ANK3: variants seen among roughly 807,000 people sequenced by gnomAD.
ANK3 encodes the protein ankyrin 3, also known as ankyrin-3.
ANK3 carries 57 observed loss-of-function variants against 370.9 expected under a neutral mutation model. That is an observed-to-expected ratio of 0.15 (90% CI 0.12 to 0.19). The LOEUF (loss-of-function observed/expected upper bound fraction) is 0.19. Among genes scored for constraint, ANK3 ranks in the 10% least tolerant of loss-of-function variants. The pLI, the probability that ANK3 is intolerant of heterozygous loss-of-function variation, is 1.00. For missense variants in ANK3, 4,439 were observed against 5,302.1 expected, an observed-to-expected ratio of 0.84 and a Z score of 5.06; for synonymous variants, 1,929 against 1,946.3, an observed-to-expected ratio of 0.99 and a Z score of 0.23.
At chr10:60,558,254 C>T (rs922079445) in intron 2 of ANK3, among the ~76,000 whole-genome samples, 1 of 152,184 alleles carries the variant, frequency 6.6e-6, no homozygotes, top group African/African-American at 2.4e-5. Flanking sequence ...TTCAATGTCA[C>T]ACAGTAAACT....
At chr10:60,140,829 G>A in intron 23 of ANK3, 2 of 993,852 alleles carry the variant, frequency 2.0e-6, no homozygotes, top group Non-Finnish European at 1.2e-6. Flanking sequence ...GCCTAGTCGG[G>A]TAACCAAGAC....
intron 1 of ANK3, among the ~76,000 whole-genome samples, chr10:60,722,038 T>C (rs1386070726): frequency 6.6e-6 from 1 of 151,870 alleles, no homozygotes; most frequent in African/African-American, 2.4e-5. Flanking sequence ...CTGAATAATT[T>C]CTGGCTGATC....
chr10:60,377,761 T>C (rs1429665467), intron 1 of ANK3, among the ~76,000 whole-genome samples: 2 of 152,186 alleles, frequency 1.3e-5, no homozygotes, highest in Non-Finnish European at 2.9e-5. Flanking sequence ...TAGCCATGGC[T>C]TCAAGTTCAG....
At chr10:60,211,892 C>CAAAA (rs72238553) in intron 9 of ANK3, among the ~76,000 whole-genome samples, 2 of 93,400 alleles carry the variant, frequency 2.1e-5, no homozygotes, top group Admixed American at 1.3e-4. Context: ...AATACAGAGC[C>CAAAA]AAAAAAAAAA....
chr10:60,247,254 T>C (rs759765539), intron 7 of ANK3, among the ~76,000 whole-genome samples: 24 of 152,216 alleles, frequency 1.6e-4, no homozygotes, highest in Admixed American at 5.9e-4. Flanking sequence ...CCTGACCTTG[T>C]GATACACCCA....
intron 1 of ANK3, among the ~76,000 whole-genome samples, chr10:60,722,443 C>T (rs1373727686): frequency 1.3e-5 from 2 of 151,142 alleles, no homozygotes; most frequent in African/African-American, 4.9e-5. Flanking sequence ...GATCTTGTCT[C>T]TAAATAAAAA....
At chr10:60,555,858 G>A (rs1043554572) in intron 2 of ANK3, among the ~76,000 whole-genome samples, 1 of 152,218 alleles carries the variant, frequency 6.6e-6, no homozygotes, top group African/African-American at 2.4e-5. Context: ...TGTGACTCAT[G>A]AGCAAATACG....
At chr10:60,248,974 T>A (rs1176811340) in intron 7 of ANK3, among the ~76,000 whole-genome samples, 1 of 152,250 alleles carries the variant, frequency 6.6e-6, no homozygotes, top group Non-Finnish European at 1.5e-5. Flanking sequence ...GCATATTCAG[T>A]GACAGCAAAA....
chr10:60,657,599 A>G (rs995353893), intron 1 of ANK3, among the ~76,000 whole-genome samples: 3 of 152,144 alleles, frequency 2.0e-5, no homozygotes, highest in Non-Finnish European at 1.5e-5. Flanking sequence ...TAAGATCTCA[A>G]TCTTTTGAAA....
At chr10:60,684,812 T>C in intron 1 of ANK3, 2 of 1,536,312 alleles carry the variant, frequency 1.3e-6, no homozygotes, top group Non-Finnish European at 1.8e-6. Context: ...ATGGACTCTG[T>C]TGATATCGAA....
intron 37 of ANK3, 83 bp from the exon 38 acceptor site, chr10:60,068,092 T>C (rs1589502271): frequency 1.6e-6 from 2 of 1,254,456 alleles, no homozygotes; most frequent in Non-Finnish European, 2.3e-6. Context: ...ACGCAGATTT[T>C]ACAGAGAGAC....
intron 8 of ANK3, among the ~76,000 whole-genome samples, chr10:60,217,710 C>T (rs764570843): frequency 5.3e-5 from 8 of 152,204 alleles, no homozygotes; most frequent in Non-Finnish European, 8.8e-5. Flanking sequence ...CCATGTGGCA[C>T]AGAGAAGAAT....
intron 2 of ANK3, among the ~76,000 whole-genome samples, chr10:60,532,738 A>C (rs1204298472): frequency 6.6e-6 from 1 of 152,128 alleles, no homozygotes; most frequent in Non-Finnish European, 1.5e-5. Context: ...AGAATGCTAT[A>C]GGCCCTTTTC....
chr10:60,291,505 A>C (rs552561779), intron 1 of ANK3, among the ~76,000 whole-genome samples: 1 of 152,248 alleles, frequency 6.6e-6, no homozygotes, highest in Non-Finnish European at 1.5e-5. Context: ...AAATGATGTA[A>C]GGAACTGGTA....
chr10:60,067,191 G>A (rs939937273), intron 38 of ANK3, among the ~76,000 whole-genome samples: 1 of 152,046 alleles, frequency 6.6e-6, no homozygotes, highest in African/African-American at 2.4e-5. Flanking sequence ...GGGATTACAG[G>A]CATGAATTTT....
At chr10:60,437,526 T>C (rs1202038329) in intron 2 of ANK3, among the ~76,000 whole-genome samples, 1 of 152,208 alleles carries the variant, frequency 6.6e-6, no homozygotes, top group African/African-American at 2.4e-5. Flanking sequence ...TTTAGCACAG[T>C]GCCTGGCACT....
chr10:60,588,785 C>T (rs2077870311), intron 2 of ANK3, among the ~76,000 whole-genome samples: 1 of 151,982 alleles, frequency 6.6e-6, no homozygotes, highest in Non-Finnish European at 1.5e-5. Flanking sequence ...TTGTGCATGC[C>T]TATAGTCCCA....
In ANK3 at chr10:60,196,202, A is replaced by T; in HGVS notation, c.1830T>A (p.Asn610Lys). The change falls in exon 16 of 44, where the codon AAT becomes AAA. Residue 610 changes from asparagine (N) to lysine (K), a missense_variant. By Grantham distance (94) the Asn-to-Lys change is moderately conservative. Transcript: ENST00000280772. ...TPLHVAAHYD[N>K]QKVALLLLDQ... ...CCAAAAGCAGAAGGGCCACTTTCTGATTATCGTAATGTGCAGCTACATGCA... is the reference window on the plus strand; with the variant it reads ...CCAAAAGCAGAAGGGCCACTTTCTGTTTATCGTAATGTGCAGCTACATGCA... 6.2e-7 allele frequency: 1 copy of T among 1,613,988 alleles called. No individual in the cohort carries two copies. Among genetic ancestry groups the T allele is most frequent in the Non-Finnish European group, 8.5e-7 (1 of 1,179,932 alleles).
chr10:60,573,549 C>A (rs908839589), intron 2 of ANK3, among the ~76,000 whole-genome samples: 2 of 152,208 alleles, frequency 1.3e-5, no homozygotes, highest in Non-Finnish European at 2.9e-5. Context: ...ACACTCCCCA[C>A]TGCACGCCAT....
Sources: gnomAD v4.1 joint callset for allele counts (sites outside exome capture counted in the v4.1 genomes callset) on GRCh38, gnomAD v4.1.1 for gene constraint, MANE v1.5 for transcripts, NCBI Gene and HGNC (gene_info 2026-07-23, HGNC 2026-07-21) for gene names.